Variants in N4BP1 observed in about 807,000 individuals in gnomAD.
N4BP1 encodes the protein NEDD4-binding protein 1.
N4BP1 carries 21 observed loss-of-function variants against 70.9 expected under a neutral mutation model. That is an observed-to-expected ratio of 0.30 (90% CI 0.21 to 0.43). N4BP1 has a LOEUF of 0.43. Among genes scored for constraint, N4BP1 ranks in the 20% least tolerant of loss-of-function variants. The pLI, the probability that N4BP1 is intolerant of heterozygous loss-of-function variation, is 1.00. For missense variants in N4BP1, 936 were observed against 1,069.4 expected (o/e 0.88, Z 1.74); for synonymous variants, 387 against 394.6 (o/e 0.98, Z 0.23).
At chr16:48,553,103 T>C (rs978325787) in intron 3 of N4BP1, among the ~76,000 whole-genome samples, 19 of 152,194 alleles carry the variant, frequency 1.2e-4, no homozygotes, top group African/African-American at 4.6e-4. Context: ...CTTTCGTGTG[T>C]GGCCTGCAAG....
chr16:48,577,189 A>G (rs1964106887), intron 1 of N4BP1, among the ~76,000 whole-genome samples: 1 of 152,152 alleles, frequency 6.6e-6, no homozygotes, highest in Non-Finnish European at 1.5e-5. Context: ...TGCCAAGCCC[A>G]AAGTCTCCTC....
intron 1 of N4BP1, among the ~76,000 whole-genome samples, chr16:48,582,768 T>C (rs1045801903): frequency 2.0e-5 from 3 of 151,986 alleles, no homozygotes; most frequent in African/African-American, 7.2e-5. Flanking sequence ...TTGGAACGTA[T>C]CCCCAGCAGA....
intron 1 of N4BP1, among the ~76,000 whole-genome samples, chr16:48,589,189 TA>T (rs1964294554): frequency 6.6e-6 from 1 of 152,174 alleles, no homozygotes; most frequent in African/African-American, 2.4e-5. Context: ...ATACAACTTT[TA>T]AAATTTTTAG....
At chr16:48,577,601 A>AT (rs1964113068) in intron 1 of N4BP1, 2 of 216,614 alleles carry the variant, frequency 9.2e-6, no homozygotes, top group Admixed American at 4.4e-5. Flanking sequence ...TGGTCAGTGA[A>AT]TTCCTCATAG....
intron 1 of N4BP1, among the ~76,000 whole-genome samples, chr16:48,574,055 T>C (rs7188741): frequency 0.41 from 61,814 of 151,962 alleles, 13,594 homozygotes; most frequent in African/African-American, 0.57. Context: ...GTCAACTGCT[T>C]ATGATTTATA....
At chr16:48,560,550 A>G (rs1963838857) in intron 2 of N4BP1, 1 of 560,172 alleles carries the variant, frequency 1.8e-6, no homozygotes, top group Non-Finnish European at 3.0e-6. Context: ...TAAGTTCAGC[A>G]GGGTGAAGTA....
At chr16:48,604,216 A>C (rs752346926) in intron 1 of N4BP1, among the ~76,000 whole-genome samples, 17 of 152,210 alleles carry the variant, frequency 1.1e-4, no homozygotes, top group Non-Finnish European at 2.4e-4. Flanking sequence ...CTGAGACTGT[A>C]CTGTACGCCA....
intron 1 of N4BP1, among the ~76,000 whole-genome samples, chr16:48,597,046 C>A (rs114597298): frequency 6.0e-4 from 92 of 152,268 alleles, no homozygotes; most frequent in African/African-American, 2.2e-3. Context: ...CCAGTGTTTC[C>A]ATCTCCAACC....
At chr16:48,594,123 AC>A (rs201361977) in intron 1 of N4BP1, among the ~76,000 whole-genome samples, 2,536 of 152,290 alleles carry the variant, frequency 0.017, 30 homozygotes, top group Non-Finnish European at 0.027. Context: ...TTAAAAGATA[AC>A]GAAAGGTTTT....
intron 4 of N4BP1, among the ~76,000 whole-genome samples, chr16:48,550,046 T>A (rs747860261): frequency 6.6e-6 from 1 of 152,230 alleles, no homozygotes. Flanking sequence ...CCTATTTCCA[T>A]TGGTTAAGTT....
intron 1 of N4BP1, among the ~76,000 whole-genome samples, 199 bp from the exon 2 acceptor site, chr16:48,562,643 G>GAA (rs2151089876): frequency 6.6e-6 from 1 of 152,294 alleles, no homozygotes; most frequent in African/African-American, 2.4e-5. Context: ...TAGAGGAACT[G>GAA]AAAACTCTGC....
intron 1 of N4BP1, among the ~76,000 whole-genome samples, chr16:48,577,315 G>GT (rs144319249): frequency 0.01 from 1,537 of 151,264 alleles, 28 homozygotes; most frequent in African/African-American, 0.032. Context: ...CCCAGTTTTT[G>GT]TTTTTTTTGT....
chr16:48,568,021 T>G (rs1393278454), intron 1 of N4BP1, among the ~76,000 whole-genome samples: 2 of 152,170 alleles, frequency 1.3e-5, no homozygotes, highest in Non-Finnish European at 2.9e-5. Flanking sequence ...CTATGAGAAT[T>G]ATTCAAACTA....
chr16:48,569,777 A>G (rs1963990090), intron 1 of N4BP1, among the ~76,000 whole-genome samples: 2 of 152,136 alleles, frequency 1.3e-5, no homozygotes, highest in Admixed American at 6.5e-5. Context: ...TGTTAATTCA[A>G]TTCTCAAAAG....
chr16:48,560,491 C>A (rs1963837864), intron 2 of N4BP1: 1 of 390,138 alleles, frequency 2.6e-6, no homozygotes, highest in Non-Finnish European at 4.6e-6. Context: ...TATCACTGAG[C>A]AATGCAACGT....
chr16:48,542,497 T>C lies in N4BP1; in HGVS notation c.*407A>G, dbSNP rs978072172. ...ATACTCATCTCAAGAAAATATACTT[T>C]AAGACGTCTTGCTTTCCTTAAGAAA... On this transcript the variant is annotated 3_prime_UTR_variant, in exon 7 of 7. Transcript: ENST00000262384. The C allele has an allele frequency of 6.5e-6, 1 of 154,510 alleles. No homozygotes were observed. The allele number at this position is 154,510 out of a possible 1,614,324, so 9.6% of individuals were successfully genotyped here. A position where few individuals can be genotyped will look rare whatever the true frequency, so the allele number is the denominator to read the frequency against.
chr16:48,567,923 A>G (rs1321372669), intron 1 of N4BP1, among the ~76,000 whole-genome samples: 1 of 152,060 alleles, frequency 6.6e-6, no homozygotes, highest in Non-Finnish European at 1.5e-5. Flanking sequence ...CTCATCTCTT[A>G]AACTCTCACA....
At position 48,561,915 on chromosome 16, in the gene N4BP1, G is replaced by A. The variant is rs1450135720; in HGVS notation, c.728C>T (p.Pro243Leu). Residue 243 changes from proline (P) to leucine (L), a missense_variant, in exon 2 of 7, where the codon CCT becomes CTT. Pro to Leu is a moderately conservative substitution (Grantham distance 98). Around this residue, in one of 4 missense-constraint regions of N4BP1, gnomAD observed 515 missense variants for 491.7 expected, o/e 1.05. Transcript: ENST00000262384. ...QEEARNKAGT[P>L]VSELTKQMDT... is the part of the protein sequence containing the mutation. ...CATTTGTTTTGTAAGCTCAGAAACA[G>A]GAGTCCCAGCTTTATTTCTTGCCTC... 1 of 1,613,924 alleles carries A rather than the reference G, an allele frequency of 6.2e-7. No individual in the cohort carries two copies. Among genetic ancestry groups the A allele is most frequent in the Non-Finnish European group, 8.5e-7 (1 of 1,179,872 alleles).
rs189199216 is a variant in N4BP1, at chr16:48,547,961, T to C, written c.2225+46A>G. 2.3e-6 allele frequency: 3 copies of C among 1,291,840 alleles called. No homozygotes were observed. The African/African-American group carries it at 4.4e-5, about 19-fold the overall frequency. The allele number at this position is 1,291,840 out of a possible 1,614,324, so 80.0% of individuals were successfully genotyped here. ...ACAAAATGCACACAGAAACAAACAA[T>C]TAAAAACAAAACTTTTCTGACCAAA... On this transcript the variant is annotated intron_variant, in intron 5 of 6. Transcript: ENST00000262384.
Sources: allele counts gnomAD v4.1 joint callset (sites outside exome capture counted in the v4.1 genomes callset), GRCh38; gene constraint gnomAD v4.1.1; regional missense constraint gnomAD v4.1.1; transcripts MANE v1.5; gene names NCBI Gene and HGNC (gene_info 2026-07-23, HGNC 2026-07-21).